Variants in SPATS2L observed in about 807,000 individuals in gnomAD.
The protein encoded by SPATS2L is SPATS2-like protein.
SPATS2L carries 30 observed loss-of-function variants against 59.6 expected under a neutral mutation model. That is an observed-to-expected ratio of 0.50 (90% CI 0.38 to 0.68). The LOEUF (loss-of-function observed/expected upper bound fraction) is 0.68. Among genes scored for constraint, SPATS2L ranks in the 30% least tolerant of loss-of-function variants. The probability of loss-of-function intolerance (pLI) is 0.00; values close to 1 mark genes in which losing one functional copy is unlikely to be tolerated. For synonymous variants in SPATS2L, 252 were observed against 263.5 expected, an observed-to-expected ratio of 0.96 and a Z score of 0.42; for missense variants, 615 against 700.0, an observed-to-expected ratio of 0.88 and a Z score of 1.37.
chr2:200,441,025 C>T (rs2084660722), intron 8 of SPATS2L, among the ~76,000 whole-genome samples: 1 of 152,152 alleles, frequency 6.6e-6, no homozygotes, highest in Admixed American at 6.5e-5. Flanking sequence ...TGGCCCAAAA[C>T]TATGAATGAT....
chr2:200,406,104 A>C lies in SPATS2L; in HGVS notation c.40-6207A>C, dbSNP rs577920217. Among the ~76,000 whole-genome samples the C allele has an allele frequency of 2.0e-5, 3 of 152,244 alleles. No individual in the cohort carries two copies. In the South Asian group the frequency reaches 6.2e-4, roughly 32 times the overall value. On this transcript the variant is annotated intron_variant, in intron 3 of 12. Transcript: ENST00000409140. ...ATGAATCATCTACTGAATGCCACCC[A>C]TTGTTCTAGACCCTGTGGATATAAA...
At chr2:200,476,555 C>T (rs928177638) in intron 12 of SPATS2L, among the ~76,000 whole-genome samples, 6 of 152,196 alleles carry the variant, frequency 3.9e-5, no homozygotes, top group South Asian at 2.1e-4. Context: ...CTGAACCCCT[C>T]GGGGGAGGGA....
At chr2:200,347,855 G>A (rs1376418728) in intron 2 of SPATS2L, among the ~76,000 whole-genome samples, 2 of 152,176 alleles carry the variant, frequency 1.3e-5, no homozygotes, top group African/African-American at 2.4e-5. Context: ...GAAGTTGAAG[G>A]CTCAAGGCTG....
rs1298519229 is a variant in SPATS2L, at chr2:200,478,577, A to G, written c.*546A>G. 1 of 152,646 alleles carries G rather than the reference A, an allele frequency of 6.6e-6. No individual in the cohort carries two copies. Among genetic ancestry groups the G allele is most frequent in the Non-Finnish European group, 1.5e-5 (1 of 68,038 alleles). 9.5% of individuals were successfully genotyped at this position (152,646 alleles called of 1,614,324 possible). A position where few individuals can be genotyped will look rare whatever the true frequency, so the allele number is the denominator to read the frequency against. ...TGATACCCACCTAGTTATTGAATGT[A>G]CTGTTTAGTGCTTTCAAAAAAAACT... is the stretch of plus-strand genomic sequence containing the variant. On this transcript the variant is annotated 3_prime_UTR_variant, in exon 13 of 13. Coordinates refer to ENST00000409140, the MANE Select transcript of SPATS2L (RefSeq NM_001100423.2).
chr2:200,373,301 C>G (rs1209261897), intron 2 of SPATS2L: 2 of 144,114 alleles, frequency 1.4e-5, no homozygotes, highest in Non-Finnish European at 3.0e-5. Flanking sequence ...AAGAACAAAA[C>G]TGACTAATAC....
intron 12 of SPATS2L, among the ~76,000 whole-genome samples, chr2:200,473,712 G>T (rs910708046): frequency 2.0e-5 from 3 of 152,010 alleles, no homozygotes; most frequent in Non-Finnish European, 2.9e-5. Flanking sequence ...ACAAAAAATT[G>T]GGATCTGCCG....
chr2:200,313,105 C>T (rs1342361699), intron 1 of SPATS2L, among the ~76,000 whole-genome samples: 1 of 152,180 alleles, frequency 6.6e-6, no homozygotes, highest in Non-Finnish European at 1.5e-5. Context: ...CCTGCTTTTT[C>T]TTATACCACC....
chr2:200,432,976 A>G (rs1177510923), intron 6 of SPATS2L, among the ~76,000 whole-genome samples: 1 of 152,220 alleles, frequency 6.6e-6, no homozygotes, highest in Non-Finnish European at 1.5e-5. Context: ...AGGTGTAATT[A>G]GAGTCTCAGA....
At chr2:200,358,788 G>C (rs774520126) in intron 2 of SPATS2L, among the ~76,000 whole-genome samples, 10 of 152,014 alleles carry the variant, frequency 6.6e-5, no homozygotes, top group Non-Finnish European at 1.3e-4. Context: ...AGGAGTTTGA[G>C]ACCAGGCAAC....
chr2:200,381,804 G>C (rs374573910), intron 2 of SPATS2L, among the ~76,000 whole-genome samples: 4 of 152,210 alleles, frequency 2.6e-5, no homozygotes, highest in African/African-American at 9.6e-5. Flanking sequence ...TAGGATCTAC[G>C]TGATCATAGT....
chr2:200,374,528 T>C (rs750017766), intron 2 of SPATS2L, among the ~76,000 whole-genome samples: 1 of 152,082 alleles, frequency 6.6e-6, no homozygotes, highest in Non-Finnish European at 1.5e-5. Flanking sequence ...CATGGCAATA[T>C]ACACCCCCAC....
At chr2:200,363,316 A>C (rs1026450318) in intron 2 of SPATS2L, among the ~76,000 whole-genome samples, 1 of 151,762 alleles carries the variant, frequency 6.6e-6, no homozygotes, top group Non-Finnish European at 1.5e-5. Flanking sequence ...AGTGCTATAC[A>C]TACTCTATCG....
At chr2:200,365,531 T>C (rs2081242355) in intron 2 of SPATS2L, among the ~76,000 whole-genome samples, 1 of 152,236 alleles carries the variant, frequency 6.6e-6, no homozygotes, top group African/African-American at 2.4e-5. Flanking sequence ...GATCAGACTC[T>C]ACCGTGATAT....
chr2:200,306,886 C>A lies in SPATS2L; in HGVS notation c.-109C>A. On this transcript the variant is annotated 5_prime_UTR_variant, in exon 1 of 13. Transcript: ENST00000409140. Reference sequence around the variant, plus strand: ...GCGACCGCGCCCCCGGGCCCCGGCTCCGGCCCGGGACGGAGGAGCCGGCGC... The same window carrying A: ...GCGACCGCGCCCCCGGGCCCCGGCTACGGCCCGGGACGGAGGAGCCGGCGC... 1 of 980,998 alleles carries A rather than the reference C, an allele frequency of 1.0e-6. No individual in the cohort carries two copies. Among genetic ancestry groups the A allele is most frequent in the Admixed American group, 6.3e-5 (1 of 15,928 alleles). 60.8% of individuals were successfully genotyped at this position (980,998 alleles called of 1,614,324 possible).
At chr2:200,475,182 G>A (rs558078894) in intron 12 of SPATS2L, among the ~76,000 whole-genome samples, 1 of 152,334 alleles carries the variant, frequency 6.6e-6, no homozygotes, top group South Asian at 2.1e-4. Context: ...ATGTGGGATG[G>A]AGCCAGAGAT....
chr2:200,463,938 G>C (rs1284853769), intron 9 of SPATS2L, among the ~76,000 whole-genome samples: 4 of 152,238 alleles, frequency 2.6e-5, no homozygotes, highest in Non-Finnish European at 5.9e-5. Flanking sequence ...CTATGGTTCA[G>C]ATAATATGAG....
At chr2:200,457,223 TACACACAC>T (rs4035249) in intron 8 of SPATS2L, among the ~76,000 whole-genome samples, 32,457 of 147,332 alleles carry the variant, frequency 0.22, 3,549 homozygotes, top group Middle Eastern at 0.31. Flanking sequence ...AAAACATACA[TACACACAC>T]ACACACACAC....
chr2:200,441,865 A>G lies in SPATS2L; in HGVS notation c.788+1081A>G, dbSNP rs577386553. 4.6e-5 allele frequency among the ~76,000 whole-genome samples: 7 copies of G among 152,280 alleles called. No homozygotes were observed. In the East Asian group the frequency reaches 5.8e-4, roughly 13 times the overall value. ...ATCACTTCTTCTGCATGCTTTTCCT[A>G]TTCCAGGTCCTTGCTTTGACATTGA... On this transcript the variant is annotated intron_variant, in intron 8 of 12. Transcript: ENST00000409140.
At chr2:200,450,611 G>A (rs1217892918) in intron 8 of SPATS2L, among the ~76,000 whole-genome samples, 1 of 152,130 alleles carries the variant, frequency 6.6e-6, no homozygotes, top group East Asian at 1.9e-4. Flanking sequence ...TTGAGTGCAC[G>A]AGGAGCATCA....
Sources: allele counts gnomAD v4.1 joint callset (sites outside exome capture counted in the v4.1 genomes callset), GRCh38; gene constraint gnomAD v4.1.1; transcripts MANE v1.5; gene names NCBI Gene and HGNC (gene_info 2026-07-23, HGNC 2026-07-21).